The following CDC73 variants were observed in gnomAD, a reference collection of about 807,000 sequenced individuals.
CDC73 encodes the protein cell division cycle 73.
CDC73 carries 21 observed loss-of-function variants against 83.7 expected under a neutral mutation model. The observed-to-expected ratio is 0.25, with a 90% CI of 0.18 to 0.36. The LOEUF is 0.36. Ranked by LOEUF, CDC73 falls within the 10% of genes least tolerant of loss-of-function variation. The pLI, the probability that CDC73 is intolerant of heterozygous loss-of-function variation, is 1.00. For synonymous variants in CDC73, 224 were observed against 212.9 expected (o/e 1.05, Z -0.45); for missense variants, 342 against 653.3 (o/e 0.52, Z 5.19).
At chr1:193,202,631 T>TG (rs1553287156) in intron 10 of CDC73, among the ~76,000 whole-genome samples, 5 of 149,168 alleles carry the variant, frequency 3.4e-5, no homozygotes, top group African/African-American at 1.2e-4. Flanking sequence ...TTTTTTTTTT[T>TG]CCTTCTTGGA....
At chr1:193,197,121 T>A (rs1264013928) in intron 10 of CDC73, among the ~76,000 whole-genome samples, 1 of 152,210 alleles carries the variant, frequency 6.6e-6, no homozygotes, top group East Asian at 1.9e-4. Flanking sequence ...CCATTCCTAG[T>A]TGAATTTTTA....
At chr1:193,135,247 CA>C in intron 3 of CDC73, 143 bp from the exon 4 acceptor site, 1 of 677,320 alleles carries the variant, frequency 1.5e-6, no homozygotes, top group African/African-American at 1.8e-5. Flanking sequence ...CATGTTTTTG[CA>C]GAGCTGCTTT....
rs1227235405 is a variant in CDC73 at position 193,201,349 on chromosome 1, A to G, written c.973-2446A>G. Among the ~76,000 whole-genome samples, 3 of 152,168 alleles carry G rather than the reference A, an allele frequency of 2.0e-5. No homozygotes were observed. The East Asian group carries it at 5.8e-4, about 29-fold the overall frequency. On this transcript the variant is annotated intron_variant, in intron 10 of 16. Transcript: ENST00000367435. ...GCAGGCCACTAGAAATAGATAGTAG[A>G]TATTATAAAGTGTATTATATTCTAC...
intron 10 of CDC73, among the ~76,000 whole-genome samples, chr1:193,186,987 G>T (rs1676821019): frequency 6.7e-6 from 1 of 149,860 alleles, no homozygotes; most frequent in South Asian, 2.1e-4. Context: ...AACCCCTTCA[G>T]TGCATTCTCT....
chr1:193,238,045 G>A (rs1404643726), intron 15 of CDC73, among the ~76,000 whole-genome samples: 2 of 152,014 alleles, frequency 1.3e-5, no homozygotes, highest in East Asian at 1.9e-4. Context: ...AAAATGATTA[G>A]GATGTCTTTA....
intron 13 of CDC73, among the ~76,000 whole-genome samples, chr1:193,228,441 C>T (rs1677601174): frequency 6.6e-6 from 1 of 152,310 alleles, no homozygotes; most frequent in Middle Eastern, 3.4e-3. Flanking sequence ...TCAAGACTTA[C>T]TATCAAGTTG....
At position 193,122,332 on chromosome 1, in the gene CDC73, G is replaced by A. The variant is rs587776558; in HGVS notation, c.131+1G>A. ...TGAAGACCAACTATGTTGTTTGGGG[G>A]TAAGTCCGGCATGGCTGTGGCCCAG... is the stretch of plus-strand genomic sequence containing the variant. On this transcript the variant is annotated splice_donor_variant, in intron 1 of 16. Coordinates refer to ENST00000367435, the MANE Select transcript of CDC73 (RefSeq NM_024529.5). LOFTEE classifies it high-confidence loss of function. The A allele has an allele frequency of 6.2e-7, 1 of 1,614,126 alleles. No individual in the cohort carries two copies. Among genetic ancestry groups the A allele is most frequent in the African/African-American group, 1.3e-5 (1 of 75,060 alleles).
At chr1:193,139,132 A>G (rs560875093) in intron 6 of CDC73, among the ~76,000 whole-genome samples, 1 of 151,920 alleles carries the variant, frequency 6.6e-6, no homozygotes, top group South Asian at 2.1e-4. Context: ...TTTTGAATTA[A>G]CTTTATATCT....
rs530154009 is a variant in CDC73 at position 193,241,621 on chromosome 1, C to T, written c.1417+5265C>T. Among the ~76,000 whole-genome samples the T allele has an allele frequency of 5.3e-5, 8 of 152,286 alleles. No homozygotes were observed. The East Asian group carries it at 1.5e-3, about 29-fold the overall frequency. On this transcript the variant is annotated intron_variant, in intron 15 of 16. Transcript: ENST00000367435. ...TGTGGCTTTGATGGGCTGGACAGGA[C>T]AGTGCGCAGGCCCACAGGGGGTGTG...
intron 2 of CDC73, among the ~76,000 whole-genome samples, chr1:193,128,797 A>C (rs183874223): frequency 6.6e-6 from 1 of 152,324 alleles, no homozygotes; most frequent in East Asian, 1.9e-4. Context: ...TAAGTATTCA[A>C]TATAAGGTCA....
Position 193,142,323 on chromosome 1 carries a change from A to T in CDC73, c.729+257A>T, listed in dbSNP as rs181363945. Among the ~76,000 whole-genome samples the T allele has an allele frequency of 1.8e-3, 274 of 152,276 alleles. 3 individuals carry two copies. Among genetic ancestry groups the T allele is most frequent in the Non-Finnish European group, 6.5e-4 (44 of 68,016 alleles). Reference sequence around the variant, plus strand: ...AAGCTCCTTCACAGATCATTTGCAAATCAAAGAATGGCCCAGTTTTCCTGT... The same window carrying T: ...AAGCTCCTTCACAGATCATTTGCAATTCAAAGAATGGCCCAGTTTTCCTGT... On this transcript the variant is annotated intron_variant, in intron 7 of 16. Coordinates refer to ENST00000367435, the MANE Select transcript of CDC73 (RefSeq NM_024529.5).
At chr1:193,127,389 G>T (rs1053682452) in intron 2 of CDC73, among the ~76,000 whole-genome samples, 2 of 151,436 alleles carry the variant, frequency 1.3e-5, no homozygotes, top group African/African-American at 4.9e-5. Context: ...CTGCTTTCCT[G>T]AGTAAGAAAT....
At position 193,135,460 on chromosome 1, in the gene CDC73, C is replaced by T. The variant is rs1375228161; in HGVS notation, c.370+7C>T. 2 of 1,612,058 alleles carry T rather than the reference C, an allele frequency of 1.2e-6. No individual in the cohort carries two copies. The highest frequency in any genetic ancestry group is 2.2e-5 in the South Asian group (2 of 91,018). On this transcript the variant is annotated splice_region_variant and intron_variant, in intron 4 of 16. Coordinates refer to ENST00000367435, the MANE Select transcript of CDC73 (RefSeq NM_024529.5). Reference sequence around the variant, plus strand: ...CTTCAGCGATCTACTCAAGGTATGTCTTGTTGCATATTTATATTGAACTTT... The same window carrying T: ...CTTCAGCGATCTACTCAAGGTATGTTTTGTTGCATATTTATATTGAACTTT...
At chr1:193,122,428 A>T (rs1675470501) in intron 1 of CDC73, 97 bp downstream of exon 1, 2 of 1,500,604 alleles carry the variant, frequency 1.3e-6, no homozygotes, top group East Asian at 2.3e-5. Flanking sequence ...TCCCCTGGGG[A>T]TGGGATAAAA....
intron 10 of CDC73, among the ~76,000 whole-genome samples, chr1:193,193,148 G>A (rs1179647037): frequency 1.3e-5 from 2 of 152,196 alleles, no homozygotes; most frequent in African/African-American, 4.8e-5. Flanking sequence ...CAGACCAAGA[G>A]ATAATGTTTG....
intron 11 of CDC73, among the ~76,000 whole-genome samples, chr1:193,210,669 G>C (rs904156191): frequency 6.6e-6 from 1 of 152,090 alleles, no homozygotes; most frequent in Admixed American, 6.6e-5. Flanking sequence ...TGGGAGGATA[G>C]CTTGAGCTCA....
chr1:193,137,521 T>C (rs551610619), intron 5 of CDC73, among the ~76,000 whole-genome samples: 6 of 152,340 alleles, frequency 3.9e-5, no homozygotes, highest in Admixed American at 2.0e-4. Context: ...ATATGTGAAT[T>C]AGATAAAAGC....
chr1:193,224,562 C>T (rs1287157799), intron 13 of CDC73, among the ~76,000 whole-genome samples: 1 of 151,752 alleles, frequency 6.6e-6, no homozygotes, highest in Non-Finnish European at 1.5e-5. Context: ...GTGAAATATG[C>T]ATTCACATAT....
chr1:193,177,655 T>A (rs76229442), intron 10 of CDC73, among the ~76,000 whole-genome samples: 2 of 152,196 alleles, frequency 1.3e-5, no homozygotes, highest in African/African-American at 4.8e-5. Context: ...CTGAGGGTTG[T>A]ATGAGATCAT....
Sources: gnomAD v4.1 joint callset for allele counts (sites outside exome capture counted in the v4.1 genomes callset) on GRCh38, gnomAD v4.1.1 for gene constraint, MANE v1.5 for transcripts, NCBI Gene and HGNC (gene_info 2026-07-23, HGNC 2026-07-21) for gene names.